Variants in BRAF observed in about 807,000 individuals in gnomAD.
The protein encoded by BRAF is serine/threonine-protein kinase B-raf.
A neutral mutation model predicts 104.6 loss-of-function variants in BRAF; 16 were observed. That is an observed-to-expected ratio of 0.15 (90% confidence interval 0.10 to 0.23). The LOEUF (loss-of-function observed/expected upper bound fraction) is 0.23. Among genes scored for constraint, BRAF ranks in the 10% least tolerant of loss-of-function variants. The pLI, the probability that BRAF is intolerant of heterozygous loss-of-function variation, is 1.00. For synonymous variants in BRAF, 310 were observed against 341.6 expected (o/e 0.91, Z 1.02); for missense variants, 541 against 937.3 (o/e 0.58, Z 5.52).
chr7:140,782,953 AT>A (rs1375063022), intron 11 of BRAF, 67 bp downstream of exon 10: 1 of 1,547,036 alleles, frequency 6.5e-7, no homozygotes, highest in East Asian at 2.2e-5. Flanking sequence ...CTAAAGGATA[AT>A]ATTACATTTG....
intron 14 of BRAF, among the ~76,000 whole-genome samples, chr7:140,762,033 G>A (rs767305436): frequency 1.3e-3 from 201 of 152,266 alleles, no homozygotes; most frequent in Middle Eastern, 3.4e-3. Context: ...TCTGCACCAA[G>A]GGGACCTAAT....
chr7:140,874,532 T>TAAA (rs71659759), intron 1 of BRAF, among the ~76,000 whole-genome samples: 11 of 80,910 alleles, frequency 1.4e-4, no homozygotes, highest in African/African-American at 2.9e-4. Context: ...AGAAAAAAAG[T>TAAA]AAAAAAAAAA....
chr7:140,715,785 A>G (rs552594630), downstream of BRAF, among the ~76,000 whole-genome samples: 2 of 152,364 alleles, frequency 1.3e-5, no homozygotes, highest in South Asian at 4.1e-4. Context: ...ATATAGTTAC[A>G]GGAAATAATA....
Position 140,771,120 on chromosome 7 carries a change from T to C in BRAF, c.1814+5792A>G, listed in dbSNP as rs569808038. ...ATAACCACACAGGAAAAATGTTACC[T>C]ATCCATTTTTTGCTTATATTCTGTA... On this transcript the variant is annotated intron_variant, in intron 14 of 19. Transcript: ENST00000644969. Among the ~76,000 whole-genome samples the C allele has an allele frequency of 2.0e-5, 3 of 152,296 alleles. No homozygotes were observed. The East Asian group carries it at 5.8e-4, about 29-fold the overall frequency.
chr7:140,834,918 C>T, intron 2 of BRAF, 46 bp from the exon 3 acceptor site: 1 of 1,605,142 alleles, frequency 6.2e-7, no homozygotes, highest in Non-Finnish European at 8.5e-7. Context: ...TTTGTCCTGA[C>T]ATTAACAAAA....
chr7:140,834,512 C>T (rs1807106772), intron 3 of BRAF, 97 bp downstream of exon 3: 2 of 1,517,342 alleles, frequency 1.3e-6, no homozygotes, highest in East Asian at 2.3e-5. Context: ...ATTTGCATGA[C>T]CTCTGAGTAT....
At chr7:140,794,569 C>G in intron 7 of BRAF, 102 bp from the exon 8 acceptor site, 1 of 1,356,016 alleles carries the variant, frequency 7.4e-7, no homozygotes, top group Non-Finnish European at 1.0e-6. Flanking sequence ...TTTATATTCT[C>G]AAAATCATTA....
chr7:140,798,262 C>CTTTTTTTTTT (rs1025673669), intron 7 of BRAF, among the ~76,000 whole-genome samples: 2 of 32,604 alleles, frequency 6.1e-5, no homozygotes, highest in East Asian at 8.5e-4. Context: ...TGTATGGGGA[C>CTTTTTTTTTT]TTTTTTTTTC....
intron 14 of BRAF, among the ~76,000 whole-genome samples, chr7:140,762,360 T>G (rs956898980): frequency 3.4e-4 from 51 of 152,144 alleles, no homozygotes; most frequent in Non-Finnish European, 5.9e-4. Context: ...AGACACAACA[T>G]ACCAGAATCT....
At chr7:140,902,161 C>G (rs1303879441) in intron 1 of BRAF, among the ~76,000 whole-genome samples, 1 of 152,242 alleles carries the variant, frequency 6.6e-6, no homozygotes, top group Non-Finnish European at 1.5e-5. Context: ...TTTCCAACAG[C>G]ATATGCTCAC....
At chr7:140,736,671 C>T in intron 18 of BRAF, among the ~76,000 whole-genome samples, 1 of 151,656 alleles carries the variant, frequency 6.6e-6, no homozygotes, top group East Asian at 2.0e-4. Flanking sequence ...AGGTGATCCG[C>T]CTGCCTCGGC....
chr7:140,715,301 C>T (rs117163254), downstream of BRAF, among the ~76,000 whole-genome samples: 264 of 152,312 alleles, frequency 1.7e-3, 4 homozygotes, highest in Admixed American at 0.012. Context: ...GGGGACACTT[C>T]TCCGGTTTTG....
At chr7:140,807,891 T>C in intron 5 of BRAF, 69 bp downstream of exon 5, 1 of 1,284,426 alleles carries the variant, frequency 7.8e-7, no homozygotes, top group South Asian at 1.3e-5. Context: ...TCACATTCCC[T>C]AAATAAAAAT....
intron 3 of BRAF, chr7:140,823,553 C>T (rs1176517886): frequency 6.6e-6 from 1 of 152,204 alleles, no homozygotes; most frequent in African/African-American, 2.4e-5. Flanking sequence ...TCATCCACTC[C>T]TCTATCAACA....
In BRAF at chr7:140,924,783, A is replaced by G. The variant is rs1362861708; in HGVS notation, c.-80T>C. The G allele has an allele frequency of 1.1e-5, 5 of 467,034 alleles. No individual in the cohort carries two copies. The highest frequency in any genetic ancestry group is 4.3e-5 in the African/African-American group (2 of 46,404). The allele number at this position is 467,034 out of a possible 1,614,324, so 28.9% of individuals were successfully genotyped here. On this transcript the variant is annotated 5_prime_UTR_variant, in exon 1 of 20. Coordinates refer to ENST00000644969, the MANE Select transcript of BRAF (RefSeq NM_001374258.1). This position sits in a 1 kb window ranked among gnomAD's most constrained non-coding sequence, Gnocchi z 4.2. ...GGAGGCGGAGAGCTGGGGGAGGCGG[A>G]GGCGGAGGCGGAGGCGGAGGAGCGG...
intron 8 of BRAF, among the ~76,000 whole-genome samples, chr7:140,788,101 G>GT (rs767456398): frequency 1.7e-4 from 26 of 152,072 alleles, no homozygotes; most frequent in Non-Finnish European, 3.4e-4. Flanking sequence ...GTTGACCTAC[G>GT]TAACAACCCT....
chr7:140,857,410 C>T (rs1330232964), intron 1 of BRAF, among the ~76,000 whole-genome samples: 2 of 152,124 alleles, frequency 1.3e-5, no homozygotes, highest in Non-Finnish European at 2.9e-5. Context: ...TTCTGGATTT[C>T]CGACCTCCAG....
chr7:140,727,219 T>C (rs1167537370), intron 19 of BRAF, among the ~76,000 whole-genome samples: 1 of 151,980 alleles, frequency 6.6e-6, no homozygotes, highest in South Asian at 2.1e-4. Context: ...ATTTTGCTTT[T>C]GTTGCCCAGG....
intron 6 of BRAF, among the ~76,000 whole-genome samples, 168 bp from the exon 7 acceptor site, chr7:140,800,649 A>T (rs1803001669): frequency 1.3e-5 from 2 of 152,224 alleles, no homozygotes. Context: ...AAAAAATTGT[A>T]TTGCACTTTC....
Sources: allele counts gnomAD v4.1 joint callset (sites outside exome capture counted in the v4.1 genomes callset), GRCh38; gene constraint gnomAD v4.1.1; non-coding constraint Gnocchi (gnomAD v3.1); transcripts MANE v1.5; gene names NCBI Gene and HGNC (gene_info 2026-07-23, HGNC 2026-07-21).